NBPF12: variants seen among roughly 807,000 people sequenced by gnomAD.
The protein encoded by NBPF12 is NBPF family member NBPF12.
In NBPF12, 115 loss-of-function variants were observed where a neutral mutation model predicts 146.4. That is an observed-to-expected ratio of 0.79 (90% CI 0.68 to 0.92). The LOEUF (loss-of-function observed/expected upper bound fraction) is 0.92. Among genes scored for constraint, NBPF12 ranks in the 40% least tolerant of loss-of-function variants. The pLI is 0.00. For synonymous variants in NBPF12, 385 were observed against 508.9 expected (o/e 0.76, Z 3.28); for missense variants, 1,205 against 1,326.8 (o/e 0.91, Z 1.43).
intron 19 of NBPF12, among the ~76,000 whole-genome samples, chr1:146,982,700 C>G (rs1450852363): frequency 6.6e-6 from 1 of 150,548 alleles, no homozygotes; most frequent in Non-Finnish European, 1.5e-5. Context: ...TGAGTTGGCT[C>G]ATCTGTGGCA....
chr1:146,938,975 T>A (rs1654653237), exon 1 of NBPF12: 2 of 152,250 alleles, frequency 1.3e-5, no homozygotes, highest in Non-Finnish European at 1.5e-5. Context: ...CCACCCAGCG[T>A]TCCGGAGGTG....
At chr1:146,972,181 G>C (rs1242973233) in intron 13 of NBPF12, among the ~76,000 whole-genome samples, 1 of 150,776 alleles carries the variant, frequency 6.6e-6, no homozygotes. Flanking sequence ...GAACACCTGA[G>C]GTCAGGAGTT....
At chr1:146,962,513 A>G (rs1464735335) in intron 5 of NBPF12, among the ~76,000 whole-genome samples, 1 of 151,860 alleles carries the variant, frequency 6.6e-6, no homozygotes, top group African/African-American at 2.4e-5. Flanking sequence ...ACATAACACA[A>G]AATTCACCAA....
rs1487261054 is a variant in NBPF12, at chr1:146,960,514, G to A, written c.175+196G>A. Among the ~76,000 whole-genome samples the A allele has an allele frequency of 2.3e-3, 341 of 150,650 alleles. 5 individuals are homozygous for A. The highest frequency in any genetic ancestry group is 8.1e-3 in the African/African-American group (325 of 39,968). On this transcript the variant is annotated intron_variant, in intron 4 of 33. Transcript: ENST00000617844. ...TATTTAGCAACTTTCCATGTTTGCA[G>A]TCAGATGGGGGTGGGACTAGAGTTA...
chr1:146,949,649 AGACT>A (rs1458520241), intron 1 of NBPF12, among the ~76,000 whole-genome samples: 1 of 116,876 alleles, frequency 8.6e-6, no homozygotes, highest in Non-Finnish European at 1.7e-5. Context: ...GAGTCATGTG[AGACT>A]AAAATCCGGG....
At chr1:146,952,525 C>G (rs1655368626) in intron 2 of NBPF12, among the ~76,000 whole-genome samples, 3 of 151,320 alleles carry the variant, frequency 2.0e-5, no homozygotes, top group African/African-American at 7.3e-5. Flanking sequence ...ATAACAATAT[C>G]TTGACTCCTG....
chr1:146,964,221 G>T (rs1247654262), intron 6 of NBPF12, 136 bp from the exon 10 acceptor site: 6 of 1,396,102 alleles, frequency 4.3e-6, no homozygotes, highest in Non-Finnish European at 6.0e-6. Context: ...AGAGCATTTT[G>T]TGAAGGATAA....
chr1:146,961,836 A>T (rs1298458670), intron 4 of NBPF12, among the ~76,000 whole-genome samples: 4 of 151,994 alleles, frequency 2.6e-5, no homozygotes, highest in African/African-American at 9.7e-5. Context: ...TTTAGAGGAG[A>T]GGCTGCAAGG....
chr1:146,964,897 G>T (rs1553885364), exon 8 of NBPF12: 3 of 1,593,492 alleles, frequency 1.9e-6, no homozygotes, highest in South Asian at 1.1e-5. Context: ...CATCAGGGAG[G>T]TGCAGAAGGC....
Position 146,994,466 on chromosome 1 carries a change from T to A in NBPF12, c.4265T>A (p.Phe1422Tyr). ...CACTACAGAAGTGTGTTTTACTCAT[T>A]TGAGGAACAGCACATCACCTTTGCC... The change falls in exon 34 of 34, where the codon TTT (phenylalanine) becomes TAT (tyrosine). Residue 1422 changes from phenylalanine to tyrosine, a missense_variant. Phe to Tyr is a conservative substitution (Grantham distance 22, BLOSUM62 3). Coordinates refer to ENST00000617844, the Ensembl canonical transcript of NBPF12. The A allele has an allele frequency of 6.2e-6, 10 of 1,611,124 alleles. No homozygotes were observed. The South Asian group carries it at 1.1e-4, about 18-fold the overall frequency.
chr1:146,978,116 G>C (rs1352765484), intron 18 of NBPF12, among the ~76,000 whole-genome samples: 21 of 151,590 alleles, frequency 1.4e-4, no homozygotes, highest in Non-Finnish European at 2.2e-4. Flanking sequence ...AAGTCAGCTT[G>C]CTTAGCTGCA....
intron 9 of NBPF12, among the ~76,000 whole-genome samples, chr1:146,967,063 G>C (rs1656258521): frequency 6.6e-6 from 1 of 151,378 alleles, no homozygotes; most frequent in Non-Finnish European, 1.5e-5. Context: ...TTCAGTCCAA[G>C]TTTCTGTTGA....
chr1:146,957,980 T>TAC (rs1655676691), intron 2 of NBPF12, among the ~76,000 whole-genome samples: 2 of 82,448 alleles, frequency 2.4e-5, no homozygotes, highest in African/African-American at 8.8e-5. Context: ...CATGTATATA[T>TAC]GTGTGTGTAT....
At chr1:146,964,679 T>C (rs1656078894) in intron 7 of NBPF12, among the ~76,000 whole-genome samples, 1 of 151,958 alleles carries the variant, frequency 6.6e-6, no homozygotes, top group Non-Finnish European at 1.5e-5. Flanking sequence ...TCCAGTGCAC[T>C]GAACACCAGC....
intron 19 of NBPF12, among the ~76,000 whole-genome samples, chr1:146,981,322 CA>C (rs1657374263): frequency 1.5e-5 from 2 of 131,720 alleles, no homozygotes; most frequent in African/African-American, 5.8e-5. Context: ...TATACATACA[CA>C]CAAAAAATAA....
At chr1:146,963,290 T>A (rs1409239366) in exon 6 of NBPF12, 3 of 1,611,810 alleles carry the variant, frequency 1.9e-6, no homozygotes, top group Non-Finnish European at 2.5e-6. Flanking sequence ...CACAGCAACT[T>A]GTCCAAAAGC....
At chr1:146,972,376 A>G (rs1383021633) in intron 13 of NBPF12, among the ~76,000 whole-genome samples, 1 of 151,342 alleles carries the variant, frequency 6.6e-6, no homozygotes, top group African/African-American at 2.5e-5. Context: ...CCTGCGTGAC[A>G]GAGTGAGACG....
intron 1 of NBPF12, among the ~76,000 whole-genome samples, chr1:146,942,939 T>TC (rs1403081904): frequency 1.4e-5 from 2 of 140,414 alleles, no homozygotes; most frequent in Non-Finnish European, 3.1e-5. Context: ...CTCTATTTTT[T>TC]CCCCCCAGGC....
intron 2 of NBPF12, among the ~76,000 whole-genome samples, chr1:146,957,905 G>T (rs1226705812): frequency 3.9e-5 from 4 of 103,688 alleles, no homozygotes; most frequent in African/African-American, 1.4e-4. Flanking sequence ...ATATATACAC[G>T]TATGTATATA....
Sources: allele counts gnomAD v4.1 joint callset (sites outside exome capture counted in the v4.1 genomes callset), GRCh38; gene constraint gnomAD v4.1.1; transcripts MANE v1.5; gene names NCBI Gene and HGNC (gene_info 2026-07-23, HGNC 2026-07-21).